Variants in JHY observed in about 807,000 individuals in gnomAD.
The protein encoded by JHY is jhy protein homolog.
Under a neutral mutation model 78.0 loss-of-function variants are expected in JHY, and 69 were observed. The observed-to-expected ratio is 0.88, with a 90% CI of 0.73 to 1.08. The LOEUF (loss-of-function observed/expected upper bound fraction) is 1.08, where lower values mean the gene tolerates loss of function less well. JHY is among the 50% of genes least tolerant of loss of function. The pLI is 0.00. For synonymous variants in JHY, 368 were observed against 342.6 expected (o/e 1.07, Z -0.82); for missense variants, 944 against 927.8 (o/e 1.02, Z -0.23).
At chr11:122,936,077 C>G (rs1387433051) in intron 5 of JHY, among the ~76,000 whole-genome samples, 1 of 152,184 alleles carries the variant, frequency 6.6e-6, no homozygotes, top group Non-Finnish European at 1.5e-5. Flanking sequence ...CAGAACAGTT[C>G]AAGTTCCCCA....
intron 6 of JHY, among the ~76,000 whole-genome samples, chr11:122,950,703 T>G (rs1591399363): frequency 6.6e-6 from 1 of 152,332 alleles, no homozygotes; most frequent in South Asian, 2.1e-4. Context: ...ATCAACTAAA[T>G]GTTAGTTTCC....
chr11:122,893,473 A>G (rs960340540), intron 2 of JHY, among the ~76,000 whole-genome samples: 2 of 152,182 alleles, frequency 1.3e-5, no homozygotes, highest in Non-Finnish European at 2.9e-5. Context: ...GTTCCTTCCT[A>G]GGTTATTTCA....
chr11:122,958,739 TGCTATA>T (rs1397595891), intron 8 of JHY: 1 of 984,974 alleles, frequency 1.0e-6, no homozygotes, highest in Non-Finnish European at 1.2e-6. Flanking sequence ...GCGTCTAGAT[TGCTATA>T]GAAAGAAAAA....
At chr11:122,953,335 G>T (rs138860003) in intron 6 of JHY, among the ~76,000 whole-genome samples, 2 of 152,042 alleles carry the variant, frequency 1.3e-5, no homozygotes, top group Non-Finnish European at 2.9e-5. Flanking sequence ...GGGCACAGTG[G>T]CTCACCCCTG....
chr11:122,939,985 A>G (rs1231351302), intron 5 of JHY, among the ~76,000 whole-genome samples: 2 of 149,524 alleles, frequency 1.3e-5, no homozygotes, highest in Admixed American at 6.7e-5. Flanking sequence ...TAAATTCCTG[A>G]TCCAGTATTC....
chr11:122,901,934 C>T (rs1862869514), intron 2 of JHY, among the ~76,000 whole-genome samples: 1 of 151,596 alleles, frequency 6.6e-6, no homozygotes, highest in Admixed American at 6.6e-5. Flanking sequence ...CACAAACACA[C>T]ACATTAGTCT....
intron 3 of JHY, among the ~76,000 whole-genome samples, chr11:122,908,508 T>C (rs747105685): frequency 1.3e-4 from 20 of 152,200 alleles, no homozygotes; most frequent in Non-Finnish European, 2.8e-4. Flanking sequence ...TGGTGGTCCA[T>C]GGACCTCACT....
intron 3 of JHY, among the ~76,000 whole-genome samples, chr11:122,909,278 T>A (rs904350689): frequency 1.3e-5 from 2 of 152,162 alleles, no homozygotes; most frequent in Non-Finnish European, 2.9e-5. Flanking sequence ...GTATAACCAG[T>A]ACGGAGGACA....
rs890805271 is a variant in JHY at position 122,933,742 on chromosome 11, G to T, written c.979-678G>T. 4.6e-5 allele frequency among the ~76,000 whole-genome samples: 7 copies of T among 152,158 alleles called. No individual in the cohort carries two copies. The East Asian group carries it at 1.3e-3, about 29-fold the overall frequency. ...GTCATTTCTAGCTTCTGACCAGCAT[G>T]AGTAAAAAGATCTGATCATCTCAAT... On this transcript the variant is annotated intron_variant, in intron 4 of 8. Coordinates refer to ENST00000227349, the MANE Select transcript of JHY (RefSeq NM_024806.4).
rs1863250367 is a variant in JHY at position 122,917,204 on chromosome 11, G to T, written c.865-7693G>T. 1.3e-5 allele frequency among the ~76,000 whole-genome samples: 2 copies of T among 152,186 alleles called. No homozygotes were observed. The highest frequency in any genetic ancestry group is 4.8e-5 in the African/African-American group (2 of 41,444). The stretch of plus-strand genomic sequence containing the variant: ...ACATACAACTCAACAAGTGGAAGTA[G>T]AAGTACCAAGGTGTACTAGAGAGAG... On this transcript the variant is annotated intron_variant, in intron 3 of 8. Transcript: ENST00000227349. The surrounding 1 kb of genome is among the most constrained non-coding windows in gnomAD (Gnocchi z 4.1).
chr11:122,927,560 A>C (rs1218597734), intron 4 of JHY, among the ~76,000 whole-genome samples: 1 of 151,928 alleles, frequency 6.6e-6, no homozygotes, highest in Non-Finnish European at 1.5e-5. Context: ...CCTTCTTTTT[A>C]GTGCCTCCTC....
intron 2 of JHY, among the ~76,000 whole-genome samples, chr11:122,896,363 A>G (rs1334595893): frequency 6.6e-6 from 1 of 151,334 alleles, no homozygotes; most frequent in East Asian, 1.9e-4. Flanking sequence ...AAAAAAAAAA[A>G]AAGGAAATTT....
At chr11:122,928,627 T>G (rs1397984271) in intron 4 of JHY, among the ~76,000 whole-genome samples, 1 of 151,686 alleles carries the variant, frequency 6.6e-6, no homozygotes, top group Non-Finnish European at 1.5e-5. Context: ...GAAGAAAGGT[T>G]GTTTTTTGTA....
In JHY at chr11:122,883,652, C is replaced by T. The variant is rs755783566; in HGVS notation, c.-90+680C>T. On this transcript the variant is annotated intron_variant, in intron 1 of 8. Coordinates refer to ENST00000227349, the MANE Select transcript of JHY (RefSeq NM_024806.4). The surrounding 1 kb of genome is among the most constrained non-coding windows in gnomAD (Gnocchi z 4.4). Reference sequence around the variant, plus strand: ...TGAAATTTAAACGCCCACTTTCTAACTTATTCAAGCTGTCAGCTGTTCCTT... The same window carrying T: ...TGAAATTTAAACGCCCACTTTCTAATTTATTCAAGCTGTCAGCTGTTCCTT... 6.6e-6 allele frequency among the ~76,000 whole-genome samples: 1 copy of T among 151,998 alleles called. No homozygotes were observed. Among genetic ancestry groups the T allele is most frequent in the Non-Finnish European group, 1.5e-5 (1 of 67,998 alleles).
At chr11:122,945,918 A>T (rs922709052) in intron 5 of JHY, among the ~76,000 whole-genome samples, 3 of 152,146 alleles carry the variant, frequency 2.0e-5, no homozygotes, top group Non-Finnish European at 4.4e-5. Context: ...GAATTAATGT[A>T]GCTTTTAACT....
At chr11:122,910,907 A>G (rs2135319035) in intron 3 of JHY, among the ~76,000 whole-genome samples, 1 of 152,332 alleles carries the variant, frequency 6.6e-6, no homozygotes, top group East Asian at 1.9e-4. Flanking sequence ...TCACCTTTGA[A>G]TACATGACAA....
chr11:122,947,144 G>T, intron 6 of JHY: 1 of 181,826 alleles, frequency 5.5e-6, no homozygotes, highest in Non-Finnish European at 1.1e-5. Context: ...ATGCTAACCT[G>T]AGTCTTCATG....
chr11:122,891,031 C>T (rs1862604807), intron 2 of JHY, among the ~76,000 whole-genome samples: 1 of 152,150 alleles, frequency 6.6e-6, no homozygotes, highest in Non-Finnish European at 1.5e-5. Flanking sequence ...CTCCTAGGCA[C>T]ACTCTTGCTG....
At chr11:122,930,048 G>A (rs1013491934) in intron 4 of JHY, among the ~76,000 whole-genome samples, 1 of 152,252 alleles carries the variant, frequency 6.6e-6, no homozygotes, top group South Asian at 2.1e-4. Context: ...CCATCAAGAC[G>A]CCCAGCTGTG....
Sources: gnomAD v4.1 joint callset for allele counts (sites outside exome capture counted in the v4.1 genomes callset) on GRCh38, gnomAD v4.1.1 for gene constraint, Gnocchi (gnomAD v3.1) non-coding constraint, MANE v1.5 for transcripts, NCBI Gene and HGNC (gene_info 2026-07-23, HGNC 2026-07-21) for gene names.